ANKRD36: variants seen among roughly 807,000 people sequenced by gnomAD.
ANKRD36 encodes the protein ankyrin repeat domain 36, also known as ankyrin repeat domain-containing protein 36A.
In ANKRD36, 179 loss-of-function variants were observed where a neutral mutation model predicts 278.1. That is an observed-to-expected ratio of 0.64 (90% CI 0.57 to 0.73). The LOEUF is 0.73. ANKRD36 is among the 30% of genes least tolerant of loss of function. ANKRD36 has a pLI of 0.00. For synonymous variants in ANKRD36, 320 were observed against 641.1 expected (o/e 0.50, Z 7.57); for missense variants, 1,159 against 1,956.7 (o/e 0.59, Z 7.69).
chr2:97,185,611 C>G, intron 30 of ANKRD36, 101 bp downstream of exon 30: 1 of 1,396,812 alleles, frequency 7.2e-7, no homozygotes, highest in East Asian at 2.5e-5. Flanking sequence ...GCTGCACATT[C>G]TGATTCAGCA....
intron 67 of ANKRD36, among the ~76,000 whole-genome samples, chr2:97,232,281 C>T (rs1171378790): frequency 7.0e-6 from 1 of 142,936 alleles, no homozygotes; most frequent in Non-Finnish European, 1.5e-5. Flanking sequence ...TTTGCATGTG[C>T]AAAAATTGTC....
chr2:97,193,216 G>T (rs1347091358), intron 38 of ANKRD36, among the ~76,000 whole-genome samples, 163 bp downstream of exon 38: 1 of 144,824 alleles, frequency 6.9e-6, no homozygotes, highest in Non-Finnish European at 1.5e-5. Context: ...GATGCTGCTG[G>T]TCTGGAACAT....
chr2:97,235,513 T>C (rs2153683181), intron 68 of ANKRD36, among the ~76,000 whole-genome samples: 1 of 142,660 alleles, frequency 7.0e-6, no homozygotes, highest in South Asian at 3.4e-4. Context: ...AGGTTGAGCA[T>C]TGCTAATTTA....
chr2:97,231,250 G>A (rs758188814), intron 67 of ANKRD36, among the ~76,000 whole-genome samples: 8 of 152,164 alleles, frequency 5.3e-5, no homozygotes, highest in Non-Finnish European at 7.3e-5. Context: ...CAGAGGTGGA[G>A]CCTACAGAGG....
intron 22 of ANKRD36, among the ~76,000 whole-genome samples, chr2:97,178,925 C>T (rs1046398648): frequency 1.3e-5 from 2 of 151,632 alleles, no homozygotes; most frequent in Non-Finnish European, 2.9e-5. Context: ...CATTACTTGA[C>T]TCCCAAATGG....
intron 22 of ANKRD36, among the ~76,000 whole-genome samples, chr2:97,177,899 A>C (rs973430504): frequency 1.1e-4 from 16 of 151,392 alleles, no homozygotes; most frequent in Non-Finnish European, 1.8e-4. Flanking sequence ...CAACCTACAA[A>C]ATGGGAGAAA....
In ANKRD36 at chr2:97,185,912, T is replaced by C. The variant is rs182572426; in HGVS notation, c.2041+402T>C. On this transcript the variant is annotated intron_variant, in intron 30 of 75. Coordinates refer to ENST00000420699, the MANE Select transcript of ANKRD36 (RefSeq NM_001354587.1). ...AAGTGATCGTAATAACCAGTAAAAA[T>C]TGTAGAATGAGAACTAACGAGACCA... is the stretch of plus-strand genomic sequence containing the variant. Among the ~76,000 whole-genome samples the C allele has an allele frequency of 1.3e-4, 19 of 151,852 alleles. No homozygotes were observed. The East Asian group carries it at 3.5e-3, about 28-fold the overall frequency.
chr2:97,133,576 A>G (rs963901642), intron 6 of ANKRD36, among the ~76,000 whole-genome samples: 2 of 152,086 alleles, frequency 1.3e-5, no homozygotes, highest in African/African-American at 4.8e-5. Context: ...TCAATCATTT[A>G]TCAATTATTT....
chr2:97,144,764 C>A, intron 10 of ANKRD36, 52 bp downstream of exon 10: 1 of 1,531,106 alleles, frequency 6.5e-7, no homozygotes. Flanking sequence ...TAGAGAACTT[C>A]CCTTCCCCAA....
chr2:97,199,351 A>C (rs1382535195), intron 44 of ANKRD36, among the ~76,000 whole-genome samples: 3 of 151,894 alleles, frequency 2.0e-5, no homozygotes, highest in Non-Finnish European at 2.9e-5. Flanking sequence ...TGTTTTGTTG[A>C]TTTTAGTTAT....
In ANKRD36 at chr2:97,207,851, G is replaced by A. The variant is rs1348878443; in HGVS notation, c.3192+12G>A. ...CATCAGGCTTGAAGGTAATGAAACTGTCATTTATATTGTGAACTAGTAAAT... is the reference window on the plus strand; with the variant it reads ...CATCAGGCTTGAAGGTAATGAAACTATCATTTATATTGTGAACTAGTAAAT... On this transcript the variant is annotated intron_variant, in intron 53 of 75. Transcript: ENST00000420699. 1.3e-6 allele frequency: 2 copies of A among 1,546,134 alleles called. No homozygotes were observed. Among genetic ancestry groups the A allele is most frequent in the East Asian group, 2.4e-5 (1 of 40,918 alleles).
At chr2:97,206,358 G>T (rs1262069890) in intron 52 of ANKRD36, among the ~76,000 whole-genome samples, 1 of 151,470 alleles carries the variant, frequency 6.6e-6, no homozygotes, top group African/African-American at 2.4e-5. Flanking sequence ...TTGGGAAGAA[G>T]ATATATGGAG....
intron 4 of ANKRD36, among the ~76,000 whole-genome samples, chr2:97,123,965 A>T (rs1313069406): frequency 1.4e-5 from 2 of 146,950 alleles, no homozygotes; most frequent in African/African-American, 4.9e-5. Context: ...ATTTATATAT[A>T]TATATATATA....
chr2:97,181,492 A>G (rs1196275613), intron 24 of ANKRD36, 106 bp from the exon 25 acceptor site: 1 of 1,478,408 alleles, frequency 6.8e-7, no homozygotes, highest in African/African-American at 1.4e-5. Context: ...CAAAGCCTAC[A>G]CTAGTACAGG....
At chr2:97,206,942 A>G (rs2063019988) in intron 52 of ANKRD36, among the ~76,000 whole-genome samples, 1 of 151,530 alleles carries the variant, frequency 6.6e-6, no homozygotes, top group Non-Finnish European at 1.5e-5. Flanking sequence ...AGGGAACAAC[A>G]TGATACTCCC....
chr2:97,155,103 G>C, intron 15 of ANKRD36, among the ~76,000 whole-genome samples: 1 of 138,254 alleles, frequency 7.2e-6, no homozygotes, highest in African/African-American at 2.5e-5. Context: ...TATATCATAT[G>C]AGTATGACTA....
intron 13 of ANKRD36, among the ~76,000 whole-genome samples, 177 bp from the exon 14 acceptor site, chr2:97,152,327 A>G (rs2046277702): frequency 6.7e-6 from 1 of 148,696 alleles, no homozygotes; most frequent in Admixed American, 6.7e-5. Context: ...ATAAGGATAG[A>G]GTCTTGCTAT....
chr2:97,139,888 T>G (rs2042433140), intron 6 of ANKRD36, among the ~76,000 whole-genome samples: 2 of 151,972 alleles, frequency 1.3e-5, no homozygotes, highest in Non-Finnish European at 2.9e-5. Flanking sequence ...AACTCTAATC[T>G]ACTCAGGTCA....
rs547172190 is a variant in ANKRD36, at chr2:97,152,117, C to T, written c.1162+178C>T. On this transcript the variant is annotated intron_variant, in intron 13 of 75. Transcript: ENST00000420699. ...AAGTGATTCTCCTGCCTTAGCCTCC[C>T]GAGTAGCTGGGATTACAGGCGTGCA... 1.3e-4 allele frequency among the ~76,000 whole-genome samples: 17 copies of T among 128,578 alleles called. 1 individual carries two copies. In the South Asian group the frequency reaches 2.4e-3, roughly 18 times the overall value. 84.4% of individuals were successfully genotyped at this position (128,578 alleles called of 152,430 possible). A position where few individuals can be genotyped will look rare whatever the true frequency, so the allele number is the denominator to read the frequency against.
Sources: gnomAD v4.1 joint callset for allele counts (sites outside exome capture counted in the v4.1 genomes callset) on GRCh38, gnomAD v4.1.1 for gene constraint, MANE v1.5 for transcripts, NCBI Gene and HGNC (gene_info 2026-07-23, HGNC 2026-07-21) for gene names.